The following RCAN1 variants were observed in gnomAD, a reference collection of about 807,000 sequenced individuals.
The protein encoded by RCAN1 is regulator of calcineurin 1.
Under a neutral mutation model 22.9 loss-of-function variants are expected in RCAN1, and 11 were observed. The observed-to-expected ratio is 0.48, with a 90% CI of 0.30 to 0.79. RCAN1 has a LOEUF of 0.79. Ranked by LOEUF, RCAN1 falls within the 30% of genes least tolerant of loss-of-function variation. The pLI, the probability that RCAN1 is intolerant of heterozygous loss-of-function variation, is 0.06. For missense variants in RCAN1, 291 were observed against 337.8 expected (o/e 0.86, Z 1.09); for synonymous variants, 136 against 142.3 (o/e 0.96, Z 0.32).
chr21:34,592,723 G>C (rs1160609623), intron 1 of RCAN1, among the ~76,000 whole-genome samples: 1 of 152,098 alleles, frequency 6.6e-6, no homozygotes, highest in African/African-American at 2.4e-5. Context: ...TGTTTCTTGT[G>C]TTTTCCGATT....
chr21:34,575,888 C>T (rs1987398974), intron 1 of RCAN1, among the ~76,000 whole-genome samples: 1 of 152,168 alleles, frequency 6.6e-6, no homozygotes, highest in Non-Finnish European at 1.5e-5. Flanking sequence ...CTGAGGTAGG[C>T]ATTATTTTAC....
intron 1 of RCAN1, among the ~76,000 whole-genome samples, chr21:34,556,430 A>AATAATAATG (rs1237638120): frequency 2.9e-3 from 5 of 1,738 alleles, no homozygotes; most frequent in Non-Finnish European, 4.0e-3. Context: ...TGTCTCAAAA[A>AATAATAATG]ATAATAATAA....
At chr21:34,604,076 C>T (rs1988446525) in intron 1 of RCAN1, among the ~76,000 whole-genome samples, 1 of 152,172 alleles carries the variant, frequency 6.6e-6, no homozygotes, top group African/African-American at 2.4e-5. Flanking sequence ...GTGATCTGGC[C>T]TTGTGAGGCT....
intron 1 of RCAN1, among the ~76,000 whole-genome samples, chr21:34,567,224 G>C (rs947280282): frequency 6.6e-6 from 1 of 152,194 alleles, no homozygotes; most frequent in South Asian, 2.1e-4. Flanking sequence ...GGCTGGGCGC[G>C]GTGGCTCACG....
At chr21:34,552,683 AC>A (rs199855163) in intron 1 of RCAN1, among the ~76,000 whole-genome samples, 350 of 150,388 alleles carry the variant, frequency 2.3e-3, no homozygotes, top group African/African-American at 8.4e-3. Flanking sequence ...AAAAAAAAAA[AC>A]CAATCATGCA....
rs1051301685 is a variant in RCAN1 at position 34,517,011 on chromosome 21, T to C, written c.*1073A>G. On this transcript the variant is annotated 3_prime_UTR_variant, in exon 4 of 4. Coordinates refer to ENST00000313806, the MANE Select transcript of RCAN1 (RefSeq NM_004414.7). ...CATGGGAACAGCTTTTCCTACAACA[T>C]ATGATTCACAGGTAGGTTAATACAT... 1.3e-5 allele frequency: 2 copies of C among 152,632 alleles called. No homozygotes were observed. The highest frequency in any genetic ancestry group is 2.9e-5 in the Non-Finnish European group (2 of 68,044). The allele number at this position is 152,632 out of a possible 1,614,324, so 9.5% of individuals were successfully genotyped here. A position where few individuals can be genotyped will look rare whatever the true frequency, so the allele number is the denominator to read the frequency against.
intron 1 of RCAN1, among the ~76,000 whole-genome samples, chr21:34,555,821 G>C (rs1986542699): frequency 6.6e-6 from 1 of 151,712 alleles, no homozygotes; most frequent in African/African-American, 2.4e-5. Flanking sequence ...CCAGCACTTT[G>C]GGAGGCCGAG....
chr21:34,528,698 C>T (rs1024345760), intron 1 of RCAN1, among the ~76,000 whole-genome samples: 8 of 152,196 alleles, frequency 5.3e-5, no homozygotes, highest in Non-Finnish European at 1.2e-4. Context: ...TGTTCCCTCC[C>T]CCTCTCCAAC....
chr21:34,613,058 T>A (rs887640460), intron 1 of RCAN1, among the ~76,000 whole-genome samples: 1 of 152,256 alleles, frequency 6.6e-6, no homozygotes, highest in Admixed American at 6.5e-5. Context: ...CTTGAAATGT[T>A]CCCTGCTTTA....
chr21:34,565,166 T>C (rs1186086012), intron 1 of RCAN1, among the ~76,000 whole-genome samples: 1 of 152,180 alleles, frequency 6.6e-6, no homozygotes, highest in Admixed American at 6.5e-5. Context: ...GTCACTGCAA[T>C]CTAGCCTGGG....
chr21:34,594,506 C>T (rs1348711204), intron 1 of RCAN1, among the ~76,000 whole-genome samples: 1 of 152,072 alleles, frequency 6.6e-6, no homozygotes, highest in Non-Finnish European at 1.5e-5. Context: ...GAGCCAAGAT[C>T]GCGCCACTGC....
In RCAN1 at chr21:34,531,558, G is replaced by A. The variant is rs79978820; in HGVS notation, c.253-7848C>T. On this transcript the variant is annotated intron_variant, in intron 1 of 3. Transcript: ENST00000313806. ...GTGTCTTACCACTCCAACATAATGT[G>A]CAAGTCTGACACATAAAAATCCCTG... Among the ~76,000 whole-genome samples, 465 of 152,232 alleles carry A rather than the reference G, an allele frequency of 3.1e-3. 5 individuals carry two copies. Among genetic ancestry groups the A allele is most frequent in the Middle Eastern group, 6.8e-3 (2 of 294 alleles).
chr21:34,548,200 C>A (rs997470147), intron 1 of RCAN1, among the ~76,000 whole-genome samples: 1 of 152,188 alleles, frequency 6.6e-6, no homozygotes, highest in African/African-American at 2.4e-5. Context: ...GATTCTGAAC[C>A]AAAGCCTATA....
chr21:34,547,888 G>A (rs762932091), intron 1 of RCAN1, among the ~76,000 whole-genome samples: 26 of 152,184 alleles, frequency 1.7e-4, no homozygotes, highest in Non-Finnish European at 3.7e-4. Context: ...AGTCTGTGGT[G>A]TTATGTTATA....
intron 1 of RCAN1, among the ~76,000 whole-genome samples, chr21:34,565,671 A>G (rs1357810391): frequency 2.0e-5 from 3 of 152,230 alleles, no homozygotes; most frequent in South Asian, 2.1e-4. Context: ...TGGTGCCACT[A>G]CATAGCCCCA....
intron 1 of RCAN1, among the ~76,000 whole-genome samples, chr21:34,597,501 G>A (rs1988201505): frequency 6.6e-6 from 1 of 152,184 alleles, no homozygotes; most frequent in Non-Finnish European, 1.5e-5. Flanking sequence ...AAGAAGAATT[G>A]TGTGTCAGCT....
chr21:34,597,291 GA>G (rs913837955), intron 1 of RCAN1, among the ~76,000 whole-genome samples: 17 of 152,048 alleles, frequency 1.1e-4, no homozygotes, highest in Non-Finnish European at 1.9e-4. Flanking sequence ...TAATTAAAAT[GA>G]AAAAAATTAA....
chr21:34,569,434 A>G (rs1419993197), intron 1 of RCAN1, among the ~76,000 whole-genome samples: 2 of 152,338 alleles, frequency 1.3e-5, no homozygotes, highest in South Asian at 2.1e-4. Context: ...TAATACAAAT[A>G]CTAACAAACG....
At chr21:34,613,703 C>G in intron 1 of RCAN1, 1 of 1,410,522 alleles carries the variant, frequency 7.1e-7, no homozygotes, top group Non-Finnish European at 9.4e-7. Flanking sequence ...GAAAGCATGC[C>G]TGGAAGCTTA....
Sources: gnomAD v4.1 joint callset for allele counts (sites outside exome capture counted in the v4.1 genomes callset) on GRCh38, gnomAD v4.1.1 for gene constraint, MANE v1.5 for transcripts, NCBI Gene and HGNC (gene_info 2026-07-23, HGNC 2026-07-21) for gene names.